The following MPZL2 variants were observed in gnomAD, a reference collection of about 807,000 sequenced individuals.
MPZL2 encodes myelin protein zero like 2, also known as myelin protein zero-like protein 2.
MPZL2 carries 32 observed loss-of-function variants against 24.5 expected under a neutral mutation model. That is an observed-to-expected ratio of 1.31 (90% CI 0.99 to 1.76). MPZL2 has a LOEUF of 1.76. Ranked by LOEUF, MPZL2 falls within the 40% of genes most tolerant of loss-of-function variation. MPZL2 has a pLI of 0.00. For synonymous variants in MPZL2, 92 were observed against 97.9 expected (o/e 0.94, Z 0.36); for missense variants, 304 against 274.9 (o/e 1.11, Z -0.75).
At chr11:118,260,277 T>C (rs1949691418) in intron 3 of MPZL2, 76 bp from the exon 4 acceptor site, 3 of 1,449,530 alleles carry the variant, frequency 2.1e-6, no homozygotes, top group Non-Finnish European at 2.8e-6. Context: ...ATAATAGGGA[T>C]GCATTTAATC....
Position 118,260,204 on chromosome 11 carries a change from G to T in MPZL2, c.437-3C>A, listed in dbSNP as rs755166755. Reference sequence around the variant, plus strand: ...GAAGTGGATCTCAGAGAAGCGTACTGTAAGGAGAAAAAGATTAAATTAGGA... The same window carrying T: ...GAAGTGGATCTCAGAGAAGCGTACTTTAAGGAGAAAAAGATTAAATTAGGA... On this transcript the variant is annotated splice_region_variant and splice_polypyrimidine_tract_variant and intron_variant, in intron 3 of 5. Transcript: ENST00000278937. 6.2e-7 allele frequency: 1 copy of T among 1,610,956 alleles called. No homozygotes were observed. Among genetic ancestry groups the T allele is most frequent in the Non-Finnish European group, 8.5e-7 (1 of 1,179,050 alleles).
At chr11:118,258,043 A>G (rs1489216081) in intron 4 of MPZL2, among the ~76,000 whole-genome samples, 2 of 152,158 alleles carry the variant, frequency 1.3e-5, no homozygotes, top group African/African-American at 4.8e-5. Flanking sequence ...TTCATTAAAT[A>G]TTTATTAAGG....
In MPZL2 at chr11:118,262,561, C is replaced by T. The variant is rs778062533; in HGVS notation, c.313G>A (p.Asp105Asn). 2.0e-5 allele frequency: 33 copies of T among 1,614,076 alleles called. No homozygotes were observed. The highest frequency in any genetic ancestry group is 3.3e-4 in the Middle Eastern group (2 of 6,078). Reference sequence around the variant, plus strand: ...AGTTTCCAGAGAAGGATGGAGGCATCGTACCGCTCAGGATTCCCATCCCAA... The same window carrying T: ...AGTTTCCAGAGAAGGATGGAGGCATTGTACCGCTCAGGATTCCCATCCCAA... Reference protein sequence around the residue: ...VSWDGNPERYDASILLWKLQF... With the variant: ...VSWDGNPERYNASILLWKLQF... Residue 105 changes from aspartate to asparagine, a missense_variant, in exon 3 of 6, where the codon GAT (aspartate) becomes AAT (asparagine). Transcript: ENST00000278937.
rs751179986 is a variant in MPZL2 at position 118,257,253 on chromosome 11, G to A, written c.645C>T (p.Asp215=). Residue 215 remains aspartate (D), a synonymous_variant, in exon 5 of 6, where the codon GAC becomes GAT. Transcript: ENST00000278937. The part of the protein sequence containing the change: ...KKVSVYLEDT[D] Reference sequence around the variant, plus strand: ...TGAACCTTACCATCTAAAATTGTTAGTCTGTGTCTTCTAAATAAACAGAGA... The same window carrying A: ...TGAACCTTACCATCTAAAATTGTTAATCTGTGTCTTCTAAATAAACAGAGA... The A allele has an allele frequency of 6.2e-7, 1 of 1,609,902 alleles. No homozygotes were observed. Among genetic ancestry groups the A allele is most frequent in the Non-Finnish European group, 8.5e-7 (1 of 1,177,458 alleles).
chr11:118,258,588 C>G (rs1949677658), intron 4 of MPZL2, among the ~76,000 whole-genome samples: 1 of 152,126 alleles, frequency 6.6e-6, no homozygotes, highest in Admixed American at 6.5e-5. Context: ...CACTTCACAT[C>G]CACTAGATGG....
At chr11:118,258,826 C>G (rs1459097200) in intron 4 of MPZL2, among the ~76,000 whole-genome samples, 2 of 152,096 alleles carry the variant, frequency 1.3e-5, no homozygotes, top group East Asian at 3.9e-4. Flanking sequence ...ATGCAAAATT[C>G]CTGCTCCCAT....
At chr11:118,260,273 G>C (rs887948654) in intron 3 of MPZL2, 72 bp from the exon 4 acceptor site, 3 of 1,474,012 alleles carry the variant, frequency 2.0e-6, no homozygotes, top group Non-Finnish European at 2.8e-6. Context: ...TGACATAATA[G>C]GGATGCATTT....
Position 118,262,501 on chromosome 11 carries a change from C to T in MPZL2, c.373G>A (p.Val125Met). ...FDDNGTYTCQVKNPPDVDGVI... is the reference protein window; with the variant it reads ...FDDNGTYTCQMKNPPDVDGVI... ...CCATCAACATCAGGTGGGTTCTTCA[C>T]CTGGCAGGTGTATGTCCCATTGTCG... is the stretch of plus-strand genomic sequence containing the variant. The change falls in exon 3 of 6, where the codon GTG (valine) becomes ATG (methionine). Residue 125 changes from valine (V) to methionine (M), a missense_variant. Transcript: ENST00000278937. 1.2e-6 allele frequency: 2 copies of T among 1,614,180 alleles called. No homozygotes were observed. Among genetic ancestry groups the T allele is most frequent in the African/African-American group, 1.3e-5 (1 of 75,046 alleles).
chr11:118,260,569 C>T (rs1211142196), intron 3 of MPZL2, among the ~76,000 whole-genome samples: 2 of 152,174 alleles, frequency 1.3e-5, no homozygotes, highest in Admixed American at 1.3e-4. Context: ...GGTTGAACTA[C>T]TTATGGGGTA....
rs1949724104 is a variant in MPZL2 at position 118,264,289 on chromosome 11, G to A, written c.-136C>T. ...AGTTTGAGTTGAGTTCCTCACCTGTGCCTGTGACTCAGCCCGCTCTGCCTG... is the reference window on the plus strand; with the variant it reads ...AGTTTGAGTTGAGTTCCTCACCTGTACCTGTGACTCAGCCCGCTCTGCCTG... On this transcript the variant is annotated 5_prime_UTR_variant, in exon 1 of 6. Coordinates refer to ENST00000278937, the MANE Select transcript of MPZL2 (RefSeq NM_005797.4). The A allele has an allele frequency of 1.3e-6, 1 of 776,020 alleles. No individual in the cohort carries two copies. Among genetic ancestry groups the A allele is most frequent in the Non-Finnish European group, 2.2e-6 (1 of 455,212 alleles). The allele number at this position is 776,020 out of a possible 1,614,324, so 48.1% of individuals were successfully genotyped here. A position where few individuals can be genotyped will look rare whatever the true frequency, so the allele number is the denominator to read the frequency against.
At chr11:118,261,047 T>C (rs540607525) in intron 3 of MPZL2, among the ~76,000 whole-genome samples, 1 of 152,318 alleles carries the variant, frequency 6.6e-6, no homozygotes, top group Admixed American at 6.5e-5. Context: ...CACTGTTTTA[T>C]GGGAAGCAGG....
intron 3 of MPZL2, 63 bp from the exon 4 acceptor site, chr11:118,260,264 G>T: frequency 6.6e-7 from 1 of 1,516,528 alleles, no homozygotes; most frequent in South Asian, 1.2e-5. Context: ...GAAATCTAAT[G>T]ACATAATAGG....
Position 118,264,162 on chromosome 11 carries a change from C to G in MPZL2, c.-9G>C. 11 of 1,614,038 alleles carry G rather than the reference C, an allele frequency of 6.8e-6. No individual in the cohort carries two copies. The highest frequency in any genetic ancestry group is 9.3e-6 in the Non-Finnish European group (11 of 1,180,004). On this transcript the variant is annotated 5_prime_UTR_variant, in exon 1 of 6. Transcript: ENST00000278937. Reference sequence around the variant, plus strand: ...GAGCTCTTGCCATACATGAGGGAAACCCAGCCTTGGCCCCAGAGACCGGAC... The same window carrying G: ...GAGCTCTTGCCATACATGAGGGAAAGCCAGCCTTGGCCCCAGAGACCGGAC...
Position 118,260,129 on chromosome 11 carries a change from A to C in MPZL2, c.509T>G (p.Ile170Ser). The change falls in exon 4 of 6, where the codon ATT becomes AGT. Residue 170 changes from isoleucine (I) to serine (S), a missense_variant. Ile to Ser is a moderately radical substitution (Grantham distance 142). Transcript: ENST00000278937. ...SACALMIIIV[I>S]VVVLFQHYRK... is the part of the protein sequence containing the mutation. ...GTAATGCTGGAAGAGGACCACTACA[A>C]TTACTATTATGATCATCAGTGCACA... 3 of 1,614,114 alleles carry C rather than the reference A, an allele frequency of 1.9e-6. No individual in the cohort carries two copies. Among genetic ancestry groups the C allele is most frequent in the East Asian group, 2.2e-5 (1 of 44,888 alleles).
chr11:118,262,456 G>A lies in MPZL2; in HGVS notation c.418C>T (p.Leu140Phe). 1 of 1,613,978 alleles carries A rather than the reference G, an allele frequency of 6.2e-7. No individual in the cohort carries two copies. Among genetic ancestry groups the A allele is most frequent in the Non-Finnish European group, 8.5e-7 (1 of 1,180,024 alleles). ...DVDGVIGEIR[L>F]SVVHTVRFSE... ...AACCTACCAGTGTGCACGACGCTGAGCCGGATCTCCCCTATCACCCCATCA... is the reference window on the plus strand; with the variant it reads ...AACCTACCAGTGTGCACGACGCTGAACCGGATCTCCCCTATCACCCCATCA... Residue 140 changes from leucine (L) to phenylalanine (F), a missense_variant, in exon 3 of 6, where the codon CTC becomes TTC. Coordinates refer to ENST00000278937, the MANE Select transcript of MPZL2 (RefSeq NM_005797.4).
chr11:118,255,294 C>A (rs2134727073), intron 5 of MPZL2, 61 bp from the exon 6 acceptor site: 1 of 152,246 alleles, frequency 6.6e-6, no homozygotes, highest in Admixed American at 6.5e-5. Context: ...AATAGGAATA[C>A]TTGGCATTAT....
At position 118,254,579 on chromosome 11, in the gene MPZL2, AC is replaced by A. The variant is rs1265251226; in HGVS notation, c.*666del. On this transcript the variant is annotated 3_prime_UTR_variant, in exon 6 of 6. Coordinates refer to ENST00000278937, the MANE Select transcript of MPZL2 (RefSeq NM_005797.4). Reference sequence around the variant, plus strand: ...CTGCCAATCTTTTCATATCTATGTAACCTTTTGTAGTTACTGTGTGATTTAG... The same window carrying A: ...CTGCCAATCTTTTCATATCTATGTAACTTTTGTAGTTACTGTGTGATTTAG... 1.3e-5 allele frequency: 2 copies of A among 152,230 alleles called. No homozygotes were observed. The highest frequency in any genetic ancestry group is 4.8e-5 in the African/African-American group (2 of 41,458). 9.4% of individuals were successfully genotyped at this position (152,230 alleles called of 1,614,324 possible).
At chr11:118,257,049 AC>A (rs1388754200) in intron 5 of MPZL2, 188 bp downstream of exon 5, 1 of 395,392 alleles carries the variant, frequency 2.5e-6, no homozygotes, top group African/African-American at 2.1e-5. Context: ...AATCTTTTGC[AC>A]AAAATACACT....
Position 118,262,663 on chromosome 11 carries a change from TG to T in MPZL2, c.226-16del. On this transcript the variant is annotated splice_polypyrimidine_tract_variant and intron_variant, in intron 2 of 5. Transcript: ENST00000278937. ...TAGTAGAATACCTAGAGAGGGGAAA[TG>T]GCAAAAGGTCTTCTTACTCAGCACC... 2 of 1,610,980 alleles carry T rather than the reference TG, an allele frequency of 1.2e-6. No homozygotes were observed. The highest frequency in any genetic ancestry group is 1.7e-6 in the Non-Finnish European group (2 of 1,178,286).
Sources: allele counts gnomAD v4.1 joint callset (sites outside exome capture counted in the v4.1 genomes callset), GRCh38; gene constraint gnomAD v4.1.1; transcripts MANE v1.5; gene names NCBI Gene and HGNC (gene_info 2026-07-23, HGNC 2026-07-21).